The following ATG7 variants were observed in gnomAD, a reference collection of about 807,000 sequenced individuals.
The protein encoded by ATG7 is autophagy related 7, also known as ubiquitin-like modifier-activating enzyme ATG7.
ATG7 carries 70 observed loss-of-function variants against 82.4 expected under a neutral mutation model. The ratio of observed to expected loss-of-function variants is 0.85; its 90% CI spans 0.70 to 1.04. The LOEUF is 1.04. ATG7 is among the 50% of genes least tolerant of loss of function. The pLI is 0.00. For missense variants in ATG7, 792 were observed against 864.3 expected, an observed-to-expected ratio of 0.92 and a Z score of 1.05; for synonymous variants, 287 against 313.0, an observed-to-expected ratio of 0.92 and a Z score of 0.88.
chr3:11,392,886 C>G (rs947506473), intron 19 of ATG7, among the ~76,000 whole-genome samples: 1 of 152,174 alleles, frequency 6.6e-6, no homozygotes, highest in African/African-American at 2.4e-5. Flanking sequence ...AAAGTCAAGT[C>G]TCAGACTAAA....
intron 16 of ATG7, among the ~76,000 whole-genome samples, chr3:11,362,494 C>T (rs974033960): frequency 2.0e-5 from 3 of 152,216 alleles, no homozygotes; most frequent in Non-Finnish European, 2.9e-5. Context: ...CACAGTAGAA[C>T]TGAATTGAGT....
At chr3:11,418,032 C>T (rs1357702565) in intron 19 of ATG7, among the ~76,000 whole-genome samples, 1 of 151,146 alleles carries the variant, frequency 6.6e-6, no homozygotes, top group African/African-American at 2.4e-5. Flanking sequence ...AGGATGGTCT[C>T]GATCTCCTAA....
rs1256655001 is a variant in ATG7 at position 11,379,976 on chromosome 3, G to C, written c.1880G>C (p.Arg627Pro). Residue 627 changes from arginine to proline, a missense_variant, in exon 19 of 21, where the codon CGG (arginine) becomes CCG (proline). Arg to Pro is a moderately radical substitution (Grantham distance 103, BLOSUM62 -2). Coordinates refer to ENST00000693202, the MANE Select transcript of ATG7 (RefSeq NM_001349232.2). ...TSLGLVPHQI[R>P]GFLSRFDNVL... ...TTTTGTTTTGTTTGTTTTTAGATCC[G>C]GGGATTTCTTTCACGGTTTGATAAT... 1.2e-6 allele frequency: 2 copies of C among 1,613,908 alleles called. No homozygotes were observed. Among genetic ancestry groups the C allele is most frequent in the Non-Finnish European group, 8.5e-7 (1 of 1,179,826 alleles).
At chr3:11,449,232 C>T (rs1041473876) in intron 20 of ATG7, among the ~76,000 whole-genome samples, 2 of 152,182 alleles carry the variant, frequency 1.3e-5, no homozygotes, top group African/African-American at 4.8e-5. Context: ...ATTAGCTGGG[C>T]ATGATGGCTC....
Position 11,505,287 on chromosome 3 carries a change from G to A in ATG7, c.2080-49524G>A, listed in dbSNP as rs147508742. Reference sequence around the variant, plus strand: ...GCCTAGGGAATGGAGGAGTGTTCGCGCAGGTAGAGAAAAGAAGACTAGCGG... The same window carrying A: ...GCCTAGGGAATGGAGGAGTGTTCGCACAGGTAGAGAAAAGAAGACTAGCGG... On this transcript the variant is annotated intron_variant, in intron 20 of 20. Coordinates refer to ENST00000693202, the MANE Select transcript of ATG7 (RefSeq NM_001349232.2). Among the ~76,000 whole-genome samples the A allele has an allele frequency of 1.6e-4, 25 of 152,260 alleles. No individual in the cohort carries two copies. The East Asian group carries it at 4.2e-3, about 26-fold the overall frequency.
chr3:11,440,432 C>T (rs1676064989), intron 20 of ATG7, among the ~76,000 whole-genome samples: 1 of 141,868 alleles, frequency 7.0e-6, no homozygotes, highest in Non-Finnish European at 1.5e-5. Flanking sequence ...TCACGCCATT[C>T]TCCTGCCTCA....
intron 15 of ATG7, among the ~76,000 whole-genome samples, 165 bp from the exon 16 acceptor site, chr3:11,360,416 A>G (rs1358644618): frequency 1.3e-5 from 2 of 152,228 alleles, no homozygotes; most frequent in African/African-American, 4.8e-5. Context: ...TTTGTAATTA[A>G]TAAGCCCTCA....
At chr3:11,453,151 T>C (rs2085360071) in intron 20 of ATG7, among the ~76,000 whole-genome samples, 1 of 152,178 alleles carries the variant, frequency 6.6e-6, no homozygotes, top group African/African-American at 2.4e-5. Context: ...GAATGTCCAG[T>C]TCAATGTTGA....
At chr3:11,322,940 A>C (rs1950402802) in intron 9 of ATG7, among the ~76,000 whole-genome samples, 1 of 152,194 alleles carries the variant, frequency 6.6e-6, no homozygotes, top group African/African-American at 2.4e-5. Context: ...CTCTACAAAA[A>C]ATTTAAAAAT....
At chr3:11,443,914 G>A (rs113056709) in intron 20 of ATG7, among the ~76,000 whole-genome samples, 2,713 of 152,070 alleles carry the variant, frequency 0.018, 81 homozygotes, top group African/African-American at 0.062. Context: ...AAATACTCTC[G>A]TTGCCCTTCA....
intron 3 of ATG7, among the ~76,000 whole-genome samples, chr3:11,294,125 T>C (rs1945463459): frequency 6.6e-6 from 1 of 151,682 alleles, no homozygotes; most frequent in African/African-American, 2.4e-5. Context: ...CTAGCTGCAT[T>C]GTAGAGGAAA....
At chr3:11,559,183 G>A, downstream of ATG7, 1 of 1,340,386 alleles carries the variant, frequency 7.5e-7, no homozygotes, top group South Asian at 1.5e-5. Flanking sequence ...CGCAACGCTA[G>A]GCGCACACTG....
Position 11,358,573 on chromosome 3 carries a change from C to T in ATG7, c.1440C>T (p.Ser480=), listed in dbSNP as rs999455940. 1.9e-6 allele frequency: 3 copies of T among 1,613,754 alleles called. No homozygotes were observed. Among genetic ancestry groups the T allele is most frequent in the Non-Finnish European group, 2.5e-6 (3 of 1,179,922 alleles). ...TCCTATTGATGGACACCAGGGAGAG[C>T]CGGTGGCTTCCTGCCGTCATTGCTG... ...VVFLLMDTRE[S]RWLPAVIAAS... The change falls in exon 15 of 21, where the codon AGC becomes AGT. Residue 480 remains serine, a synonymous_variant. Coordinates refer to ENST00000693202, the MANE Select transcript of ATG7 (RefSeq NM_001349232.2).
chr3:11,457,937 G>GGT (rs1285778255), intron 20 of ATG7, among the ~76,000 whole-genome samples: 1 of 152,078 alleles, frequency 6.6e-6, no homozygotes, highest in Non-Finnish European at 1.5e-5. Flanking sequence ...GGAAGTAACC[G>GGT]GTAAGTATAT....
chr3:11,445,946 G>A (rs975525766), intron 20 of ATG7, among the ~76,000 whole-genome samples: 2 of 152,024 alleles, frequency 1.3e-5, no homozygotes, highest in African/African-American at 2.4e-5. Flanking sequence ...TTTTCTGATA[G>A]TTTCTCTACT....
intron 20 of ATG7, among the ~76,000 whole-genome samples, chr3:11,506,568 AAAAAAAAAAAAAAAAAC>A (rs1410575955): frequency 7.7e-6 from 1 of 129,530 alleles, no homozygotes; most frequent in Non-Finnish European, 1.6e-5. Flanking sequence ...AAAAAAAAAA[AAAAAAAAAAAAAAAAAC>A]CCAAAAATTA....
the ATG7 span, chr3:11,569,024 A>G: frequency 1.3e-5 from 11 of 832,052 alleles, no homozygotes; most frequent in Admixed American, 1.6e-4. Flanking sequence ...TGAGTACTGA[A>G]AGCCACACGC....
At chr3:11,574,785 A>ATGTATGTGTGTGTGTGTG in the ATG7 span, among the ~76,000 whole-genome samples, 5 of 121,778 alleles carry the variant, frequency 4.1e-5, no homozygotes, top group African/African-American at 1.6e-4. Flanking sequence ...TCAACTATAT[A>ATGTATGTGTGTGTGTGTG]TGTGTGTGTG....
chr3:11,568,493 T>C, the ATG7 span: 2,240 of 1,427,256 alleles, frequency 1.6e-3, 3 homozygotes, highest in Non-Finnish European at 1.9e-3. The surrounding 1 kb of genome is among the most constrained non-coding windows in gnomAD (Gnocchi z 5.9). Flanking sequence ...GGAAAGACAG[T>C]CCGTGGAACA....
Sources: gnomAD v4.1 joint callset for allele counts (sites outside exome capture counted in the v4.1 genomes callset) on GRCh38, gnomAD v4.1.1 for gene constraint, Gnocchi (gnomAD v3.1) non-coding constraint, MANE v1.5 for transcripts, NCBI Gene and HGNC (gene_info 2026-07-23, HGNC 2026-07-21) for gene names.